KLHL29: variants seen among roughly 807,000 people sequenced by gnomAD.
KLHL29 encodes the protein kelch-like protein 29.
KLHL29 carries 21 observed loss-of-function variants against 80.4 expected under a neutral mutation model. The observed-to-expected ratio is 0.26, with a 90% CI of 0.19 to 0.38. The LOEUF is 0.38. Ranked by LOEUF, KLHL29 falls within the 10% of genes least tolerant of loss-of-function variation. The pLI, the probability that KLHL29 is intolerant of heterozygous loss-of-function variation, is 1.00. For missense variants in KLHL29, 867 were observed against 1,223.9 expected, an observed-to-expected ratio of 0.71 and a Z score of 4.35; for synonymous variants, 511 against 526.8, an observed-to-expected ratio of 0.97 and a Z score of 0.41.
chr2:23,662,372 G>C (rs1051055364), intron 5 of KLHL29, among the ~76,000 whole-genome samples: 1 of 152,208 alleles, frequency 6.6e-6, no homozygotes, highest in Non-Finnish European at 1.5e-5. Context: ...GCCACGTCGT[G>C]TTCTGAGCAG....
At chr2:23,507,511 C>T (rs946801592) in intron 2 of KLHL29, among the ~76,000 whole-genome samples, 1 of 152,198 alleles carries the variant, frequency 6.6e-6, no homozygotes, top group Non-Finnish European at 1.5e-5. Context: ...CAGCTGGCTT[C>T]GGGGATGTCA....
chr2:23,426,326 T>C (rs1663003507), intron 1 of KLHL29, among the ~76,000 whole-genome samples: 1 of 152,174 alleles, frequency 6.6e-6, no homozygotes, highest in South Asian at 2.1e-4. Context: ...CAAGGTACTA[T>C]TATTTATGGA....
intron 1 of KLHL29, among the ~76,000 whole-genome samples, chr2:23,387,367 A>C (rs1166459061): frequency 6.6e-6 from 1 of 151,998 alleles, no homozygotes; most frequent in African/African-American, 2.4e-5. Context: ...AGTCTCTTTA[A>C]AGTCATCTGT....
chr2:23,507,457 C>T (rs1378990720), intron 2 of KLHL29, among the ~76,000 whole-genome samples: 1 of 152,238 alleles, frequency 6.6e-6, no homozygotes, highest in Non-Finnish European at 1.5e-5. Flanking sequence ...GTCCTTCCCT[C>T]TCCTGCTGCC....
intron 3 of KLHL29, among the ~76,000 whole-genome samples, chr2:23,625,706 T>C (rs1047385417): frequency 1.3e-5 from 2 of 152,220 alleles, no homozygotes; most frequent in Non-Finnish European, 1.5e-5. Context: ...TGCGTGGATC[T>C]TATGGACTGA....
chr2:23,405,899 A>C (rs1666714770), intron 1 of KLHL29, among the ~76,000 whole-genome samples: 2 of 152,208 alleles, frequency 1.3e-5, no homozygotes. Context: ...GGTAGGTGTA[A>C]GGAAGAGGGT....
chr2:23,582,922 A>G (rs1668023470), intron 3 of KLHL29, among the ~76,000 whole-genome samples: 1 of 152,250 alleles, frequency 6.6e-6, no homozygotes. Flanking sequence ...GTAAGGCTCA[A>G]GATGAGACCA....
In KLHL29 at chr2:23,507,173, C is replaced by T. The variant is rs1349330828; in HGVS notation, c.-46+31506C>T. On this transcript the variant is annotated intron_variant, in intron 2 of 13. Transcript: ENST00000486442. ...TGGTGGCGCTCACTCCCGTGCATGC[C>T]ATCATAGCCTTCCTGGTGCAGGGAC... 3 of 389,798 alleles carry T rather than the reference C, an allele frequency of 7.7e-6. No homozygotes were observed. The East Asian group carries it at 2.5e-4, about 33-fold the overall frequency. 24.1% of individuals were successfully genotyped at this position (389,798 alleles called of 1,614,324 possible).
intron 3 of KLHL29, among the ~76,000 whole-genome samples, chr2:23,588,209 C>G (rs146965869): frequency 1.3e-5 from 2 of 152,158 alleles, no homozygotes; most frequent in Admixed American, 6.5e-5. Flanking sequence ...CCACCCAGCC[C>G]GGCATGAAGC....
Position 23,451,909 on chromosome 2 carries a change from C to G in KLHL29, c.-153-23651C>G, listed in dbSNP as rs144672787. ...CTAGGAAGCATGGCACTGGCATCCT[C>G]TCCTGGAGAGGCCTCAGGATGCTTC... On this transcript the variant is annotated intron_variant, in intron 1 of 13. Coordinates refer to ENST00000486442, the MANE Select transcript of KLHL29 (RefSeq NM_052920.2). 8.4e-3 allele frequency among the ~76,000 whole-genome samples: 1,283 copies of G among 152,260 alleles called. 23 individuals are homozygous for G. The highest frequency in any genetic ancestry group is 0.03 in the African/African-American group (1,240 of 41,532).
chr2:23,595,962 G>A (rs1392542230), intron 3 of KLHL29, among the ~76,000 whole-genome samples: 2 of 152,210 alleles, frequency 1.3e-5, no homozygotes, highest in Non-Finnish European at 2.9e-5. Flanking sequence ...TCCTGGGCGG[G>A]CTTCTTCCTC....
intron 2 of KLHL29, among the ~76,000 whole-genome samples, chr2:23,521,190 G>T (rs1016066633): frequency 6.6e-6 from 1 of 152,122 alleles, no homozygotes; most frequent in Non-Finnish European, 1.5e-5. Flanking sequence ...GGACTGCTTC[G>T]AGGGGCTTCC....
intron 3 of KLHL29, among the ~76,000 whole-genome samples, chr2:23,606,179 A>G (rs999327006): frequency 8.0e-6 from 1 of 125,644 alleles, no homozygotes; most frequent in African/African-American, 3.2e-5. Context: ...TGCGTGAGAG[A>G]GAGAGAGAGG....
In KLHL29 at chr2:23,457,768, C is replaced by T. The variant is rs1664097111; in HGVS notation, c.-153-17792C>T. Among the ~76,000 whole-genome samples the T allele has an allele frequency of 2.0e-5, 3 of 152,134 alleles. No homozygotes were observed. Among genetic ancestry groups the T allele is most frequent in the African/African-American group, 7.2e-5 (3 of 41,432 alleles). Reference sequence around the variant, plus strand: ...GTGGCTCACACCTGTAATCCCAGCACTTTGGGAAGCCAAGGCAGGCAGATC... The same window carrying T: ...GTGGCTCACACCTGTAATCCCAGCATTTTGGGAAGCCAAGGCAGGCAGATC... On this transcript the variant is annotated intron_variant, in intron 1 of 13. Transcript: ENST00000486442. This position sits in a 1 kb window ranked among gnomAD's most constrained non-coding sequence, Gnocchi z 4.3.
At chr2:23,614,697 C>T (rs1488082776) in intron 3 of KLHL29, among the ~76,000 whole-genome samples, 2 of 151,790 alleles carry the variant, frequency 1.3e-5, no homozygotes, top group East Asian at 1.9e-4. Flanking sequence ...TAGTAGGGTT[C>T]GGAAAGAGCT....
intron 3 of KLHL29, among the ~76,000 whole-genome samples, chr2:23,609,604 C>T (rs1043800875): frequency 7.3e-5 from 11 of 151,356 alleles, no homozygotes; most frequent in African/African-American, 2.4e-4. Context: ...TCATGATAAC[C>T]GTGGCCTAGA....
chr2:23,668,876 C>T (rs1190063713), intron 5 of KLHL29: 1 of 152,542 alleles, frequency 6.6e-6, no homozygotes, highest in Non-Finnish European at 1.5e-5. Context: ...AGAGGCAGCA[C>T]CCACCCCGAG....
intron 5 of KLHL29, among the ~76,000 whole-genome samples, chr2:23,678,322 C>T (rs1010432122): frequency 1.1e-4 from 17 of 152,128 alleles, no homozygotes; most frequent in Non-Finnish European, 1.6e-4. Flanking sequence ...GGGTTTGAGA[C>T]GGGTCGTTAG....
At chr2:23,578,301 C>T (rs1667893452) in intron 3 of KLHL29, among the ~76,000 whole-genome samples, 2 of 152,190 alleles carry the variant, frequency 1.3e-5, no homozygotes, top group East Asian at 3.8e-4. Context: ...GATTAGGAGC[C>T]CAGACTCTAG....
Sources: gnomAD v4.1 joint callset for allele counts (sites outside exome capture counted in the v4.1 genomes callset) on GRCh38, gnomAD v4.1.1 for gene constraint, Gnocchi (gnomAD v3.1) non-coding constraint, MANE v1.5 for transcripts, NCBI Gene and HGNC (gene_info 2026-07-23, HGNC 2026-07-21) for gene names.